The following ERC2 variants were observed in gnomAD, a reference collection of about 807,000 sequenced individuals.
ERC2 encodes ERC protein 2.
A neutral mutation model predicts 114.8 loss-of-function variants in ERC2; 42 were observed. The observed-to-expected ratio is 0.37, with a 90% CI of 0.29 to 0.47. The LOEUF is 0.47. ERC2 is among the 20% of genes least tolerant of loss of function. ERC2 has a pLI of 0.99. For missense variants in ERC2, 939 were observed against 1,150.7 expected (o/e 0.82, Z 2.66); for synonymous variants, 454 against 425.5 (o/e 1.07, Z -0.82).
intron 17 of ERC2, among the ~76,000 whole-genome samples, chr3:55,620,757 C>G (rs1242300342): frequency 6.6e-6 from 1 of 152,148 alleles, no homozygotes; most frequent in Non-Finnish European, 1.5e-5. Context: ...ATTCACTTAG[C>G]TCTGTGTTTG....
At chr3:55,837,132 T>C (rs543962237) in intron 14 of ERC2, among the ~76,000 whole-genome samples, 2 of 152,224 alleles carry the variant, frequency 1.3e-5, no homozygotes, top group East Asian at 3.9e-4. Flanking sequence ...TGTGGAGAAA[T>C]AGGAACACTT....
intron 12 of ERC2, among the ~76,000 whole-genome samples, chr3:55,984,043 C>T (rs2070375925): frequency 6.6e-6 from 1 of 152,224 alleles, no homozygotes; most frequent in African/African-American, 2.4e-5. Context: ...AAAATATAAC[C>T]AGAGATGATT....
At chr3:56,222,635 G>T (rs2150153586) in intron 3 of ERC2, among the ~76,000 whole-genome samples, 1 of 152,256 alleles carries the variant, frequency 6.6e-6, no homozygotes, top group Non-Finnish European at 1.5e-5. Context: ...CCCTAGAATG[G>T]AAGGTCAGAG....
intron 14 of ERC2, among the ~76,000 whole-genome samples, chr3:55,750,586 A>G (rs2066633455): frequency 6.6e-6 from 1 of 152,172 alleles, no homozygotes; most frequent in Non-Finnish European, 1.5e-5. Context: ...AAGGGAGGGT[A>G]GGAATGGAAG....
At chr3:55,837,083 A>AGG (rs2060924545) in intron 14 of ERC2, among the ~76,000 whole-genome samples, 1 of 152,198 alleles carries the variant, frequency 6.6e-6, no homozygotes, top group Admixed American at 6.5e-5. Context: ...TAGAATGGCA[A>AGG]TCATTAAAAA....
At chr3:55,629,130 CTCCATAAAGCAAGGAT>C (rs1294853178) in intron 17 of ERC2, among the ~76,000 whole-genome samples, 2 of 151,232 alleles carry the variant, frequency 1.3e-5, no homozygotes, top group African/African-American at 2.5e-5. Context: ...GAGACCCACC[CTCCATAAAGCAAGGAT>C]TCATTACACT....
intron 3 of ERC2, among the ~76,000 whole-genome samples, chr3:56,240,110 A>G (rs1361017978): frequency 2.0e-5 from 3 of 152,250 alleles, no homozygotes; most frequent in Admixed American, 1.3e-4. Flanking sequence ...AAATTAGGGG[A>G]AAACACACAT....
chr3:55,949,003 AATT>A (rs2067306991), intron 13 of ERC2, among the ~76,000 whole-genome samples: 1 of 152,182 alleles, frequency 6.6e-6, no homozygotes, highest in Non-Finnish European at 1.5e-5. Flanking sequence ...GAGCAGATGC[AATT>A]ATTATCCTTG....
At chr3:56,011,403 G>T (rs1434029436) in intron 8 of ERC2, among the ~76,000 whole-genome samples, 1 of 152,076 alleles carries the variant, frequency 6.6e-6, no homozygotes, top group African/African-American at 2.4e-5. Context: ...GATGCAAGGT[G>T]GCCCAGGTCA....
chr3:56,339,590 A>C (rs1242697227), intron 2 of ERC2, among the ~76,000 whole-genome samples: 1 of 152,072 alleles, frequency 6.6e-6, no homozygotes, highest in Non-Finnish European at 1.5e-5. Flanking sequence ...TCAGGGGTCC[A>C]ATTTCCCTTT....
chr3:55,868,213 G>A (rs1235179860), intron 14 of ERC2, among the ~76,000 whole-genome samples: 3 of 152,162 alleles, frequency 2.0e-5, no homozygotes, highest in Non-Finnish European at 2.9e-5. Flanking sequence ...GTGGTGTGTG[G>A]ACCATGGAAC....
intron 2 of ERC2, among the ~76,000 whole-genome samples, chr3:56,313,093 A>T (rs1423548532): frequency 7.0e-6 from 1 of 142,506 alleles, no homozygotes; most frequent in South Asian, 2.3e-4. Context: ...ATACCCCATA[A>T]ACAAAAATGT....
chr3:55,841,214 C>G (rs2061117276), intron 14 of ERC2, among the ~76,000 whole-genome samples: 1 of 152,200 alleles, frequency 6.6e-6, no homozygotes, highest in Admixed American at 6.5e-5. Context: ...CAAATGTCAT[C>G]TTGAATTGTA....
In ERC2 at chr3:55,808,202, C is replaced by T. The variant is rs73834023; in HGVS notation, c.2565-73284G>A. ...AGAGCAGACAAACTCTGGGTGCTTG[C>T]CGGCAGGTCATGCTGGCTCAATGGG... On this transcript the variant is annotated intron_variant, in intron 14 of 17. Coordinates refer to ENST00000288221, the MANE Select transcript of ERC2 (RefSeq NM_015576.3). 6.4e-3 allele frequency among the ~76,000 whole-genome samples: 967 copies of T among 152,234 alleles called. 7 individuals carry two copies. Among genetic ancestry groups the T allele is most frequent in the African/African-American group, 0.022 (932 of 41,532 alleles).
intron 3 of ERC2, among the ~76,000 whole-genome samples, chr3:56,206,156 T>C (rs1307925497): frequency 1.3e-5 from 2 of 149,322 alleles, no homozygotes; most frequent in African/African-American, 4.9e-5. Flanking sequence ...TTTAGTAACT[T>C]TCTCAAAATC....
intron 3 of ERC2, among the ~76,000 whole-genome samples, chr3:56,282,678 G>GTGCTGCTGCTGCTGCTGCTGCTGCTGC (rs57092549): frequency 3.3e-5 from 5 of 151,220 alleles, no homozygotes; most frequent in African/African-American, 9.7e-5. Context: ...TCTAACAGTG[G>GTGCTGCTGCTGCTGCTGCTGCTGCTGC]TGCTGCTGCT....
At chr3:55,761,374 T>C (rs528322598) in intron 14 of ERC2, among the ~76,000 whole-genome samples, 1 of 152,336 alleles carries the variant, frequency 6.6e-6, no homozygotes, top group South Asian at 2.1e-4. Context: ...ATATTTGAGA[T>C]GTGCTTATAC....
intron 17 of ERC2, among the ~76,000 whole-genome samples, chr3:55,608,639 C>A (rs141519140): frequency 6.6e-6 from 1 of 152,160 alleles, no homozygotes; most frequent in African/African-American, 2.4e-5. Context: ...ATGAGAAATT[C>A]GAAGACACCT....
chr3:56,026,195 G>A (rs1347013371), intron 7 of ERC2, among the ~76,000 whole-genome samples: 1 of 150,572 alleles, frequency 6.6e-6, no homozygotes, highest in African/African-American at 2.4e-5. Context: ...GACTACAGGT[G>A]TGCACTACCA....
Sources: gnomAD v4.1 joint callset for allele counts (sites outside exome capture counted in the v4.1 genomes callset) on GRCh38, gnomAD v4.1.1 for gene constraint, MANE v1.5 for transcripts, NCBI Gene and HGNC (gene_info 2026-07-23, HGNC 2026-07-21) for gene names.